RARB: variants seen among roughly 807,000 people sequenced by gnomAD.
RARB encodes retinoic acid receptor beta.
RARB carries 17 observed loss-of-function variants against 51.9 expected under a neutral mutation model. The observed-to-expected ratio is 0.33, with a 90% confidence interval of 0.22 to 0.49. RARB has a LOEUF of 0.49. RARB is among the 20% of genes least tolerant of loss of function. RARB has a pLI of 0.99. For missense variants in RARB, 369 were observed against 550.8 expected (o/e 0.67, Z 3.30); for synonymous variants, 215 against 195.4 (o/e 1.10, Z -0.84).
intron 3 of RARB, among the ~76,000 whole-genome samples, chr3:25,086,720 C>A (rs1239742593): frequency 1.3e-5 from 2 of 152,044 alleles, no homozygotes; most frequent in African/African-American, 4.8e-5. Context: ...GGGGCACTTC[C>A]AGGTCACAGG....
chr3:25,062,715 A>G (rs1240267523), intron 3 of RARB, among the ~76,000 whole-genome samples: 1 of 151,976 alleles, frequency 6.6e-6, no homozygotes, highest in African/African-American at 2.4e-5. Flanking sequence ...GAATGTGCAA[A>G]TGTTTAGAGA....
intron 2 of RARB, among the ~76,000 whole-genome samples, chr3:24,896,095 A>G (rs138562723): frequency 1.6e-3 from 246 of 152,332 alleles, no homozygotes; most frequent in African/African-American, 5.7e-3. Context: ...ATACTAAGTA[A>G]AATAAGTCAG....
chr3:25,341,675 C>G (rs1200745030), intron 5 of RARB, among the ~76,000 whole-genome samples: 1 of 152,006 alleles, frequency 6.6e-6, no homozygotes, highest in Admixed American at 6.6e-5. Flanking sequence ...ATGTTTAGAA[C>G]TACTTTTGGT....
chr3:24,869,865 T>C (rs1024469151), intron 2 of RARB, among the ~76,000 whole-genome samples: 1 of 152,092 alleles, frequency 6.6e-6, no homozygotes, highest in Non-Finnish European at 1.5e-5. Context: ...GCTGAAACAA[T>C]AGATTGTGTA....
chr3:24,905,769 C>T (rs1694849647), intron 2 of RARB, among the ~76,000 whole-genome samples: 1 of 152,176 alleles, frequency 6.6e-6, no homozygotes, highest in African/African-American at 2.4e-5. Flanking sequence ...AGCAGTTGCA[C>T]TGGCTAAGGA....
At chr3:25,163,606 C>G (rs927230045) in intron 4 of RARB, among the ~76,000 whole-genome samples, 3 of 149,966 alleles carry the variant, frequency 2.0e-5, no homozygotes, top group African/African-American at 7.4e-5. Context: ...TAACATTTTT[C>G]CACATCAAGG....
intron 4 of RARB, among the ~76,000 whole-genome samples, chr3:25,160,247 G>A (rs1472754886): frequency 6.6e-6 from 1 of 152,168 alleles, no homozygotes; most frequent in Admixed American, 6.5e-5. Context: ...ATTTCCACAT[G>A]GCAAAGTGGA....
At chr3:25,297,487 G>T (rs1336571440) in intron 5 of RARB, among the ~76,000 whole-genome samples, 1 of 128,684 alleles carries the variant, frequency 7.8e-6, no homozygotes, top group Non-Finnish European at 1.5e-5. Context: ...AGGTATTCCT[G>T]CTTCCTCCAC....
At chr3:24,893,363 T>A (rs1013272247) in intron 2 of RARB, among the ~76,000 whole-genome samples, 1 of 152,244 alleles carries the variant, frequency 6.6e-6, no homozygotes, top group East Asian at 1.9e-4. Flanking sequence ...ATGAACTGTT[T>A]AATATTCATT....
At chr3:25,126,176 T>C (rs530450166) in intron 3 of RARB, among the ~76,000 whole-genome samples, 1 of 152,294 alleles carries the variant, frequency 6.6e-6, no homozygotes, top group Non-Finnish European at 1.5e-5. Context: ...CATTTAGGGG[T>C]CTGTGCAGAA....
chr3:25,158,371 G>A (rs2125345044), intron 4 of RARB, among the ~76,000 whole-genome samples: 1 of 152,258 alleles, frequency 6.6e-6, no homozygotes, highest in Non-Finnish European at 1.5e-5. Flanking sequence ...TGTTACAATT[G>A]CTTATAATCT....
intron 2 of RARB, among the ~76,000 whole-genome samples, chr3:25,004,464 C>G (rs1397468004): frequency 6.6e-6 from 1 of 152,102 alleles, no homozygotes; most frequent in Non-Finnish European, 1.5e-5. Context: ...GGTGGAAGGG[C>G]AGAGAGGGCT....
At chr3:25,474,997 T>G (rs1316376511) in intron 2 of RARB, among the ~76,000 whole-genome samples, 1 of 152,164 alleles carries the variant, frequency 6.6e-6, no homozygotes, top group Non-Finnish European at 1.5e-5. Flanking sequence ...TGCAAAATTA[T>G]GAATTACATT....
chr3:24,910,338 C>G (rs1222835945), intron 2 of RARB, among the ~76,000 whole-genome samples: 1 of 152,118 alleles, frequency 6.6e-6, no homozygotes, highest in East Asian at 1.9e-4. Context: ...TTCAGTCCCG[C>G]TAATACTAAT....
intron 1 of RARB, among the ~76,000 whole-genome samples, chr3:25,452,530 G>C (rs576527374): frequency 2.0e-5 from 3 of 152,128 alleles, no homozygotes; most frequent in Non-Finnish European, 2.9e-5. Flanking sequence ...AGTTATAACC[G>C]TGAGTTAAAA....
At chr3:25,225,617 C>G (rs75256181) in intron 5 of RARB, among the ~76,000 whole-genome samples, 2,145 of 152,110 alleles carry the variant, frequency 0.014, 52 homozygotes, top group African/African-American at 0.049. Flanking sequence ...AACAGAATGT[C>G]ATGACTTGAC....
At chr3:25,423,839 A>T (rs919389074), upstream of RARB, among the ~76,000 whole-genome samples, 14 of 152,260 alleles carry the variant, frequency 9.2e-5, no homozygotes, top group Non-Finnish European at 1.3e-4. Context: ...ACCAGCAGTG[A>T]CAGTCAGCTA....
chr3:25,476,256 T>A (rs1695936636), intron 2 of RARB, among the ~76,000 whole-genome samples: 1 of 152,186 alleles, frequency 6.6e-6, no homozygotes, highest in Non-Finnish European at 1.5e-5. Context: ...ACTCCTTTCT[T>A]CTGCTCTAAG....
chr3:25,567,958 C>T (rs992156892), intron 3 of RARB, among the ~76,000 whole-genome samples: 1 of 152,172 alleles, frequency 6.6e-6, no homozygotes, highest in Non-Finnish European at 1.5e-5. Flanking sequence ...CTTTCCCCCT[C>T]ATTGTGTCTC....
Sources: allele counts gnomAD v4.1 joint callset (sites outside exome capture counted in the v4.1 genomes callset), GRCh38; gene constraint gnomAD v4.1.1; transcripts MANE v1.5; gene names NCBI Gene and HGNC (gene_info 2026-07-23, HGNC 2026-07-21).